Variants in SLC38A10 observed in about 807,000 individuals in gnomAD.
SLC38A10 encodes the protein solute carrier family 38 member 10.
A neutral mutation model predicts 81.0 loss-of-function variants in SLC38A10; 53 were observed. The observed-to-expected ratio is 0.65, with a 90% confidence interval of 0.53 to 0.82. The LOEUF is 0.82. SLC38A10 is among the 40% of genes least tolerant of loss of function. The probability of loss-of-function intolerance (pLI) is 0.00; values close to 1 mark genes in which losing one functional copy is unlikely to be tolerated. For missense variants in SLC38A10, 1,471 were observed against 1,545.0 expected, an observed-to-expected ratio of 0.95 and a Z score of 0.80; for synonymous variants, 665 against 655.3, an observed-to-expected ratio of 1.01 and a Z score of -0.23.
At chr17:81,251,922 G>GC (rs1555626094) in intron 13 of SLC38A10, 2 of 534,454 alleles carry the variant, frequency 3.7e-6, no homozygotes, top group Non-Finnish European at 6.2e-6. Flanking sequence ...CCCCCGCGCC[G>GC]CCCCCCGTGT....
rs750504389 is a variant in SLC38A10, at chr17:81,246,417, C to G, written c.2499G>C (p.Leu833=). The G allele has an allele frequency of 5.6e-6, 9 of 1,601,472 alleles. No individual in the cohort carries two copies. In the Admixed American group the frequency reaches 1.5e-4, roughly 27 times the overall value. Residue 833 remains leucine, a synonymous_variant, in exon 16 of 16, where the codon CTG becomes CTC. Coordinates refer to ENST00000374759, the MANE Select transcript of SLC38A10 (RefSeq NM_001037984.3). The part of the protein sequence containing the change: ...DTEPRAAQAK[L]RDGQKDAAPR... Reference sequence around the variant, plus strand: ...GGGCGGCATCCTTCTGGCCATCTCTCAGCTTGGCCTGGGCTGCCCGAGGCT... The same window carrying G: ...GGGCGGCATCCTTCTGGCCATCTCTGAGCTTGGCCTGGGCTGCCCGAGGCT...
chr17:81,260,721 C>A (rs2063015115), intron 10 of SLC38A10, among the ~76,000 whole-genome samples: 1 of 152,198 alleles, frequency 6.6e-6, no homozygotes, highest in Admixed American at 6.5e-5. Context: ...GGGTCATGGG[C>A]CAATCCTGTC....
chr17:81,247,319 GC>G, intron 14 of SLC38A10: 1 of 365,560 alleles, frequency 2.7e-6, no homozygotes, highest in East Asian at 4.2e-5. Flanking sequence ...CTCCCGCACA[GC>G]CAGCCACTGT....
At chr17:81,282,437 G>T in intron 4 of SLC38A10, 105 bp from the exon 5 acceptor site, 1 of 1,450,312 alleles carries the variant, frequency 6.9e-7, no homozygotes, top group Non-Finnish European at 9.3e-7. Context: ...AAAGCCGACG[G>T]CATCCAGGTG....
At chr17:81,248,698 C>T (rs554293233) in intron 14 of SLC38A10, among the ~76,000 whole-genome samples, 3 of 152,260 alleles carry the variant, frequency 2.0e-5, no homozygotes, top group East Asian at 1.9e-4. Context: ...CATAGACTGA[C>T]GTGCCGGCCC....
At chr17:81,280,970 G>A (rs994020197) in intron 5 of SLC38A10, among the ~76,000 whole-genome samples, 10 of 152,104 alleles carry the variant, frequency 6.6e-5, no homozygotes, top group African/African-American at 1.9e-4. Context: ...GGTTCATCCC[G>A]CGGGCACCAG....
At chr17:81,269,440 G>A (rs2063095869) in intron 10 of SLC38A10, among the ~76,000 whole-genome samples, 1 of 152,184 alleles carries the variant, frequency 6.6e-6, no homozygotes, top group African/African-American at 2.4e-5. Flanking sequence ...TTGAACCCAG[G>A]AGGCAGAAGT....
intron 11 of SLC38A10, among the ~76,000 whole-genome samples, chr17:81,256,133 C>A (rs1199386744): frequency 6.6e-6 from 1 of 152,262 alleles, no homozygotes. Context: ...CAAAAACACA[C>A]ACCTTCCTAA....
At position 81,286,315 on chromosome 17, in the gene SLC38A10, A is replaced by G. The variant is rs569985449; in HGVS notation, c.218-1420T>C. 6.6e-6 allele frequency among the ~76,000 whole-genome samples: 1 copy of G among 152,346 alleles called. No homozygotes were observed. The highest frequency in any genetic ancestry group is 2.1e-4 in the South Asian group (1 of 4,832). On this transcript the variant is annotated intron_variant, in intron 2 of 15. Transcript: ENST00000374759. This position sits in a 1 kb window ranked among gnomAD's most constrained non-coding sequence, Gnocchi z 6.0. ...GTTCCGGAATATGCCTGCCACTGGC[A>G]AGGGAAAATGGGAGGCTGTCTAGGA... is the stretch of plus-strand genomic sequence containing the variant.
At chr17:81,252,036 TC>T in intron 13 of SLC38A10, 158 bp downstream of exon 13, 1 of 1,053,982 alleles carries the variant, frequency 9.5e-7, no homozygotes, top group Non-Finnish European at 1.3e-6. Flanking sequence ...CCTCTTCCTG[TC>T]CCCACCAGCT....
chr17:81,251,682 A>G (rs2062916260), intron 13 of SLC38A10, 70 bp from the exon 14 acceptor site: 1 of 1,427,032 alleles, frequency 7.0e-7, no homozygotes, highest in South Asian at 1.6e-5. Flanking sequence ...GTTGGGGGAC[A>G]GAAGGCAAGG....
rs2063009040 is a variant in SLC38A10 at position 81,260,227 on chromosome 17, G to C, written c.1288+11C>G. 1 of 1,595,328 alleles carries C rather than the reference G, an allele frequency of 6.3e-7. No individual in the cohort carries two copies. The highest frequency in any genetic ancestry group is 1.1e-5 in the South Asian group (1 of 87,900). On this transcript the variant is annotated intron_variant, in intron 11 of 15. Coordinates refer to ENST00000374759, the MANE Select transcript of SLC38A10 (RefSeq NM_001037984.3). ...GCCCTGAGAAGGCTCAGAGAGCCAGGGTGGGCATACCTGAGAGCCGCGCTG... is the reference window on the plus strand; with the variant it reads ...GCCCTGAGAAGGCTCAGAGAGCCAGCGTGGGCATACCTGAGAGCCGCGCTG...
intron 14 of SLC38A10, chr17:81,247,606 G>A (rs569536807): frequency 4.0e-5 from 6 of 151,378 alleles, no homozygotes; most frequent in East Asian, 3.9e-4. Flanking sequence ...CAGGCAGATC[G>A]CTTGAGCCCA....
Position 81,246,638 on chromosome 17 carries a change from T to C in SLC38A10, c.2278A>G (p.Arg760Gly), listed in dbSNP as rs1197583858. ...TTGCCTTCAGGGGCCTCCTGGCCTC[T>C]GGGCACCGCTGCCCCGGGCTCTTGA... Reference protein sequence around the residue: ...VHQEPGAAVPRGQEAPEGKAR... With the variant: ...VHQEPGAAVPGGQEAPEGKAR... The change falls in exon 16 of 16, where the codon AGA (arginine) becomes GGA (glycine). Residue 760 changes from arginine (R) to glycine (G), a missense_variant. Coordinates refer to ENST00000374759, the MANE Select transcript of SLC38A10 (RefSeq NM_001037984.3). 6.6e-7 allele frequency: 1 copy of C among 1,513,072 alleles called. No homozygotes were observed. Among genetic ancestry groups the C allele is most frequent in the South Asian group, 1.3e-5 (1 of 74,170 alleles). The allele number at this position is 1,513,072 out of a possible 1,614,324, so 93.7% of individuals were successfully genotyped here.
intron 11 of SLC38A10, among the ~76,000 whole-genome samples, chr17:81,255,311 G>GCCTTCTCC (rs2062961947): frequency 6.6e-6 from 1 of 152,274 alleles, no homozygotes; most frequent in East Asian, 1.9e-4. Context: ...AATGCACACA[G>GCCTTCTCC]CCTTCTCCAC....
intron 8 of SLC38A10, among the ~76,000 whole-genome samples, chr17:81,274,921 T>G (rs1263425359): frequency 2.6e-5 from 4 of 152,200 alleles, no homozygotes; most frequent in Non-Finnish European, 5.9e-5. Context: ...TTCTTTCTCT[T>G]TTAGACACAG....
Position 81,252,244 on chromosome 17 carries a change from TGGC to T in SLC38A10, c.1893_1895del (p.Pro632del). The T allele has an allele frequency of 6.5e-7, 1 of 1,546,144 alleles. No homozygotes were observed. Among genetic ancestry groups the T allele is most frequent in the Non-Finnish European group, 8.7e-7 (1 of 1,147,572 alleles). On this transcript the variant is annotated inframe_deletion, in exon 13 of 16. Coordinates refer to ENST00000374759, the MANE Select transcript of SLC38A10 (RefSeq NM_001037984.3). ...GCCCTGTGTCCCCGGCGGCGTTGCC[TGGC>T]GGCGGTCCCCCCTTGGCCTTTTCCC...
intron 9 of SLC38A10, among the ~76,000 whole-genome samples, chr17:81,271,749 T>C (rs2063117553): frequency 9.4e-6 from 1 of 106,722 alleles, no homozygotes; most frequent in Non-Finnish European, 2.1e-5. Context: ...AGCTGACAGA[T>C]TTTTTTTTTT....
At chr17:81,268,219 A>G (rs1469806800) in intron 10 of SLC38A10, among the ~76,000 whole-genome samples, 1 of 152,048 alleles carries the variant, frequency 6.6e-6, no homozygotes, top group Non-Finnish European at 1.5e-5. Flanking sequence ...ATTTGCCTCA[A>G]TGGGACACAG....
Sources: allele counts gnomAD v4.1 joint callset (sites outside exome capture counted in the v4.1 genomes callset), GRCh38; gene constraint gnomAD v4.1.1; non-coding constraint Gnocchi (gnomAD v3.1); transcripts MANE v1.5; gene names NCBI Gene and HGNC (gene_info 2026-07-23, HGNC 2026-07-21).